The following GALNT16 variants were observed in gnomAD, a reference collection of about 807,000 sequenced individuals.
GALNT16 encodes the protein polypeptide N-acetylgalactosaminyltransferase 16.
In GALNT16, 40 loss-of-function variants were observed where a neutral mutation model predicts 76.1. The ratio of observed to expected loss-of-function variants is 0.53; its 90% confidence interval spans 0.41 to 0.68. GALNT16 has a LOEUF of 0.68. Among genes scored for constraint, GALNT16 ranks in the 30% least tolerant of loss-of-function variants. The pLI is 0.00. For synonymous variants in GALNT16, 276 were observed against 285.2 expected (o/e 0.97, Z 0.32); for missense variants, 621 against 731.9 (o/e 0.85, Z 1.75).
chr14:69,375,587 T>C, the GALNT16 span, among the ~76,000 whole-genome samples: 4 of 152,220 alleles, frequency 2.6e-5, no homozygotes, highest in African/African-American at 9.6e-5. Context: ...CCTGATATCC[T>C]ATCTTCTTTT....
At chr14:69,338,560 T>G in intron 9 of GALNT16, 91 bp from the exon 10 acceptor site, 32 of 1,556,900 alleles carry the variant, frequency 2.1e-5, no homozygotes, top group Non-Finnish European at 2.5e-5. Context: ...GTACCTCCAG[T>G]GAGACACCAA....
At chr14:69,328,644 G>A (rs2045316150) in intron 6 of GALNT16, 73 bp downstream of exon 6, 1 of 1,502,190 alleles carries the variant, frequency 6.7e-7, no homozygotes, top group Non-Finnish European at 9.0e-7. Context: ...CGAGGCCTAT[G>A]GGACAGTATT....
rs1275685 is a variant in GALNT16 at position 69,341,910 on chromosome 14, G to T, written c.1271+146G>T. ...CGGGTTTTATCTTCACGTGACGGCT[G>T]TGGGGGAACTGAGAGGGCATTACTA... On this transcript the variant is annotated intron_variant, in intron 12 of 14. Transcript: ENST00000448469. 1.1e-5 allele frequency: 7 copies of T among 635,106 alleles called. No individual in the cohort carries two copies. The Admixed American group carries it at 1.3e-4, about 11-fold the overall frequency. 39.3% of individuals were successfully genotyped at this position (635,106 alleles called of 1,614,324 possible).
intron 1 of GALNT16, among the ~76,000 whole-genome samples, chr14:69,278,776 T>A (rs1452662959): frequency 1.3e-5 from 2 of 152,192 alleles, no homozygotes; most frequent in African/African-American, 4.8e-5. Context: ...TGAAGGCAAA[T>A]CTTTGCACAT....
intron 1 of GALNT16, chr14:69,298,720 G>A (rs1265591028): frequency 1.3e-5 from 2 of 152,354 alleles, no homozygotes; most frequent in African/African-American, 4.8e-5. Context: ...AGCCAGATCT[G>A]GGGGCCTAGT....
At chr14:69,278,356 A>T (rs1234855516) in intron 1 of GALNT16, among the ~76,000 whole-genome samples, 2 of 152,178 alleles carry the variant, frequency 1.3e-5, no homozygotes, top group African/African-American at 4.8e-5. Flanking sequence ...CAAGGCAGGA[A>T]ATCAAAAGGA....
downstream of GALNT16, chr14:69,357,256 G>C (rs2045700259): frequency 6.6e-6 from 1 of 152,288 alleles, no homozygotes; most frequent in Non-Finnish European, 1.5e-5. Flanking sequence ...AGAAGATGAT[G>C]CTTCCAGGAC....
At chr14:69,260,777 G>A (rs1367102146) in intron 1 of GALNT16, among the ~76,000 whole-genome samples, 1 of 152,012 alleles carries the variant, frequency 6.6e-6, no homozygotes. Flanking sequence ...TGCCGGGGCC[G>A]GGAGTCTGGG....
intron 1 of GALNT16, among the ~76,000 whole-genome samples, chr14:69,314,844 G>A (rs1423163397): frequency 3.3e-5 from 5 of 152,028 alleles, no homozygotes; most frequent in Non-Finnish European, 7.4e-5. Flanking sequence ...AAAGTCAGGG[G>A]CCATCCATAA....
intron 1 of GALNT16, among the ~76,000 whole-genome samples, chr14:69,291,356 T>C (rs537122553): frequency 5.8e-4 from 89 of 152,276 alleles, no homozygotes; most frequent in African/African-American, 1.9e-3. Flanking sequence ...AAAGCTCTTA[T>C]CTAATAAGCC....
At chr14:69,338,565 C>T (rs2045443347) in intron 9 of GALNT16, 86 bp from the exon 10 acceptor site, 2 of 1,567,424 alleles carry the variant, frequency 1.3e-6, no homozygotes, top group African/African-American at 2.7e-5. Context: ...TCCAGTGAGA[C>T]ACCAAAGGGA....
At chr14:69,316,776 A>AGGGGGG (rs1181538070) in intron 1 of GALNT16, among the ~76,000 whole-genome samples, 4 of 67,996 alleles carry the variant, frequency 5.9e-5, no homozygotes, top group African/African-American at 1.9e-4. Flanking sequence ...GTAGTCTGTG[A>AGGGGGG]GGGGGGGGGG....
the GALNT16 span, among the ~76,000 whole-genome samples, chr14:69,383,982 T>TA: frequency 2.0e-5 from 3 of 152,258 alleles, no homozygotes; most frequent in Non-Finnish European, 2.9e-5. Flanking sequence ...ACCCTGTCTC[T>TA]AAAATTTTTT....
chr14:69,356,189 G>A (rs1011213343), downstream of GALNT16: 3 of 152,226 alleles, frequency 2.0e-5, no homozygotes, highest in Non-Finnish European at 2.9e-5. Context: ...TGGATCAGGG[G>A]AGGGCCTACT....
chr14:69,352,012 C>A lies in GALNT16; in HGVS notation c.1540-19C>A. On this transcript the variant is annotated intron_variant, in intron 14 of 14. Transcript: ENST00000448469. ...ATTGTTTTCTCCTTCCTCTTCTAAC[C>A]CATCTCTGTTCCTCCTAGAAATGGA... The A allele has an allele frequency of 6.2e-7, 1 of 1,600,618 alleles. No homozygotes were observed. The highest frequency in any genetic ancestry group is 8.5e-7 in the Non-Finnish European group (1 of 1,172,950).
At chr14:69,365,873 C>T in the GALNT16 span, among the ~76,000 whole-genome samples, 11 of 152,130 alleles carry the variant, frequency 7.2e-5, no homozygotes, top group African/African-American at 1.9e-4. Context: ...TAGGCACAGG[C>T]GACACAGCAG....
intron 1 of GALNT16, among the ~76,000 whole-genome samples, chr14:69,292,443 G>A (rs914164450): frequency 2.0e-5 from 3 of 152,210 alleles, no homozygotes; most frequent in East Asian, 1.9e-4. Flanking sequence ...TGCAGGCAGG[G>A]CAGGGAATGG....
chr14:69,348,057 A>G (rs2140201815), intron 14 of GALNT16, 55 bp downstream of exon 14: 2 of 1,590,644 alleles, frequency 1.3e-6, no homozygotes, highest in Non-Finnish European at 1.7e-6. Flanking sequence ...GCCATGCCTC[A>G]GGGTGGCAGA....
chr14:69,282,119 T>G (rs1478643034), intron 1 of GALNT16, among the ~76,000 whole-genome samples: 1 of 152,178 alleles, frequency 6.6e-6, no homozygotes, highest in Non-Finnish European at 1.5e-5. Context: ...CAACTCAAGT[T>G]GCATGGTGAG....
Sources: allele counts gnomAD v4.1 joint callset (sites outside exome capture counted in the v4.1 genomes callset), GRCh38; gene constraint gnomAD v4.1.1; transcripts MANE v1.5; gene names NCBI Gene and HGNC (gene_info 2026-07-23, HGNC 2026-07-21).